HDAC9: variants seen among roughly 807,000 people sequenced by gnomAD.
HDAC9 encodes the protein MEF-2 interacting transcription repressor (MITR) protein.
In HDAC9, 41 loss-of-function variants were observed where a neutral mutation model predicts 139.4. That is an observed-to-expected ratio of 0.29 (90% CI 0.23 to 0.38). The LOEUF (loss-of-function observed/expected upper bound fraction) is 0.38, where lower values mean the gene tolerates loss of function less well. HDAC9 is among the 10% of genes least tolerant of loss of function. The pLI, the probability that HDAC9 is intolerant of heterozygous loss-of-function variation, is 1.00. For synonymous variants in HDAC9, 517 were observed against 476.2 expected (o/e 1.09, Z -1.12); for missense variants, 1,147 against 1,297.0 (o/e 0.88, Z 1.78).
At chr7:18,578,569 A>G (rs1389576392) in intron 2 of HDAC9, among the ~76,000 whole-genome samples, 1 of 152,192 alleles carries the variant, frequency 6.6e-6, no homozygotes, top group Non-Finnish European at 1.5e-5. Context: ...TCAGTGGGAA[A>G]TACAAACTGG....
chr7:18,634,115 C>T (rs1400608600), intron 7 of HDAC9, among the ~76,000 whole-genome samples: 2 of 151,980 alleles, frequency 1.3e-5, no homozygotes, highest in East Asian at 3.9e-4. Context: ...CTTCATATAA[C>T]TTGAACTAGT....
chr7:18,504,724 C>T (rs1282380006), intron 2 of HDAC9, among the ~76,000 whole-genome samples: 2 of 152,100 alleles, frequency 1.3e-5, no homozygotes, highest in Non-Finnish European at 2.9e-5. Context: ...ATCACTTGAT[C>T]ATTTAATCCT....
Position 18,973,499 on chromosome 7 carries a change from C to T in HDAC9, c.3023-2307C>T, listed in dbSNP as rs187201002. Among the ~76,000 whole-genome samples, 382 of 152,194 alleles carry T rather than the reference C, an allele frequency of 2.5e-3. 1 individual carries two copies. Among genetic ancestry groups the T allele is most frequent in the Non-Finnish European group, 3.5e-3 (237 of 68,012 alleles). On this transcript the variant is annotated intron_variant, in intron 24 of 25. Coordinates refer to ENST00000686413, the MANE Select transcript of HDAC9 (RefSeq NM_178425.4). ...AACTTGAAAGTAAGTTTAATAGTAG[C>T]GGACACCCATGTCAACAGGTCTTGT...
intron 24 of HDAC9, among the ~76,000 whole-genome samples, chr7:18,971,482 A>G (rs978383720): frequency 6.6e-5 from 10 of 152,334 alleles, no homozygotes; most frequent in African/African-American, 1.9e-4. Flanking sequence ...TATTATTCCT[A>G]TGCCAATAGA....
At chr7:18,351,329 T>G (rs1033390851) in intron 1 of HDAC9, among the ~76,000 whole-genome samples, 3 of 152,186 alleles carry the variant, frequency 2.0e-5, no homozygotes, top group African/African-American at 7.2e-5. Context: ...TGGTAAAATT[T>G]GCAGTAATCA....
At chr7:18,307,800 C>A (rs112171485) in intron 1 of HDAC9, among the ~76,000 whole-genome samples, 2 of 152,014 alleles carry the variant, frequency 1.3e-5, no homozygotes, top group African/African-American at 4.8e-5. Context: ...GAGACTCTGT[C>A]CCAAATTTTT....
intron 2 of HDAC9, among the ~76,000 whole-genome samples, chr7:18,561,015 G>A (rs775692235): frequency 2.6e-5 from 4 of 152,200 alleles, no homozygotes; most frequent in African/African-American, 9.6e-5. Flanking sequence ...CTTACATACT[G>A]TATCAGTCAG....
chr7:18,772,074 G>C (rs1790343842), intron 16 of HDAC9, among the ~76,000 whole-genome samples: 3 of 152,132 alleles, frequency 2.0e-5, no homozygotes, highest in African/African-American at 7.2e-5. Context: ...TCAGAAAAAT[G>C]CTAAGCTATG....
chr7:18,589,486 A>G (rs939772587), intron 3 of HDAC9, among the ~76,000 whole-genome samples: 4 of 152,166 alleles, frequency 2.6e-5, no homozygotes, highest in Non-Finnish European at 4.4e-5. Flanking sequence ...GTGAGCTATA[A>G]TGGTGCCACT....
At chr7:18,462,812 G>C (rs1270022919) in intron 1 of HDAC9, among the ~76,000 whole-genome samples, 1 of 151,942 alleles carries the variant, frequency 6.6e-6, no homozygotes, top group Non-Finnish European at 1.5e-5. Context: ...GGTGTGTCCA[G>C]TTTTGATCAT....
chr7:18,733,844 A>T (rs1284713833), intron 13 of HDAC9, among the ~76,000 whole-genome samples: 1 of 152,128 alleles, frequency 6.6e-6, no homozygotes, highest in Non-Finnish European at 1.5e-5. Flanking sequence ...GGGGTTTAGC[A>T]CTGAAGAGTA....
At chr7:18,488,313 C>T (rs781519883) in intron 1 of HDAC9, among the ~76,000 whole-genome samples, 7 of 151,936 alleles carry the variant, frequency 4.6e-5, no homozygotes, top group Admixed American at 6.6e-5. Context: ...TGAACCATTA[C>T]GTGTCACTTA....
chr7:18,565,275 C>T (rs1040388028), intron 2 of HDAC9, among the ~76,000 whole-genome samples: 8 of 152,106 alleles, frequency 5.3e-5, no homozygotes, highest in African/African-American at 1.9e-4. Flanking sequence ...GGATTACAGG[C>T]GTGAGCCACT....
At chr7:18,143,698 A>C (rs530857335) in intron 1 of HDAC9, among the ~76,000 whole-genome samples, 1 of 151,602 alleles carries the variant, frequency 6.6e-6, no homozygotes, top group East Asian at 1.9e-4. Context: ...AGGCAGGAGA[A>C]TTGCTTGAAC....
chr7:18,147,872 T>C (rs1332367191), intron 1 of HDAC9, among the ~76,000 whole-genome samples: 2 of 152,150 alleles, frequency 1.3e-5, no homozygotes, highest in Non-Finnish European at 1.5e-5. Context: ...ATTATGTCAT[T>C]AATTTACTGT....
At chr7:18,933,930 G>T (rs1003572317) in intron 22 of HDAC9, among the ~76,000 whole-genome samples, 2 of 152,058 alleles carry the variant, frequency 1.3e-5, no homozygotes, top group Non-Finnish European at 2.9e-5. Flanking sequence ...TCTGAAGAGG[G>T]AAAGTCTGGA....
intron 1 of HDAC9, among the ~76,000 whole-genome samples, chr7:18,476,538 C>G (rs1025284087): frequency 6.6e-6 from 1 of 151,666 alleles, no homozygotes; most frequent in African/African-American, 2.4e-5. Context: ...CAGACAGCCT[C>G]AGATGTGACC....
intron 25 of HDAC9, among the ~76,000 whole-genome samples, chr7:18,984,899 G>T (rs2129344304): frequency 6.6e-6 from 1 of 152,244 alleles, no homozygotes; most frequent in Admixed American, 6.5e-5. Context: ...TGGTAGGTGT[G>T]AGTTTGTGTG....
chr7:18,338,398 A>C (rs1313805631), intron 1 of HDAC9, among the ~76,000 whole-genome samples: 1 of 151,628 alleles, frequency 6.6e-6, no homozygotes, highest in Middle Eastern at 3.2e-3. Flanking sequence ...ATGTTTTCTT[A>C]GATCCAAGGA....
Sources: gnomAD v4.1 joint callset for allele counts (sites outside exome capture counted in the v4.1 genomes callset) on GRCh38, gnomAD v4.1.1 for gene constraint, MANE v1.5 for transcripts, NCBI Gene and HGNC (gene_info 2026-07-23, HGNC 2026-07-21) for gene names.